Variants in IL1RAPL1 observed in about 807,000 individuals in gnomAD.
The protein encoded by IL1RAPL1 is interleukin-1 receptor accessory protein-like 1.
IL1RAPL1 carries 3 observed loss-of-function variants against 48.4 expected under a neutral mutation model. That is an observed-to-expected ratio of 0.06 (90% CI 0.03 to 0.16). The LOEUF (loss-of-function observed/expected upper bound fraction) is 0.16, where lower values mean the gene tolerates loss of function less well. Ranked by LOEUF, IL1RAPL1 falls within the 10% of genes least tolerant of loss-of-function variation. The pLI is 1.00. For missense variants in IL1RAPL1, 349 were observed against 530.6 expected (o/e 0.66, Z 3.36); for synonymous variants, 185 against 187.7 (o/e 0.99, Z 0.12).
At chrX:29,886,254 G>C (rs953758786) in intron 6 of IL1RAPL1, among the ~76,000 whole-genome samples, 2 of 112,337 alleles carry the variant, frequency 1.8e-5, no homozygotes, top group African/African-American at 6.5e-5. Context: ...CAAATCTTTG[G>C]ATGTTGTTAT....
chrX:29,331,970 C>T (rs1195546942), intron 3 of IL1RAPL1, among the ~76,000 whole-genome samples: 1 of 110,147 alleles, frequency 9.1e-6, no homozygotes, highest in African/African-American at 3.3e-5. Context: ...ACATAATACT[C>T]AACTTGTGGT....
intron 3 of IL1RAPL1, among the ~76,000 whole-genome samples, chrX:29,321,161 T>A (rs1391714494): frequency 8.9e-6 from 1 of 112,192 alleles, no homozygotes; most frequent in Non-Finnish European, 1.9e-5. Context: ...GACTAAGTGA[T>A]GAAAGACCAA....
At chrX:29,424,675 C>A (rs772893350) in intron 5 of IL1RAPL1, among the ~76,000 whole-genome samples, 4 of 111,363 alleles carry the variant, frequency 3.6e-5, no homozygotes, top group Admixed American at 9.6e-5. Context: ...TAAGCCATTT[C>A]CCAAAACACA....
intron 1 of IL1RAPL1, among the ~76,000 whole-genome samples, chrX:28,757,191 C>A (rs184561010): frequency 8.9e-6 from 1 of 112,453 alleles, no homozygotes; most frequent in African/African-American, 3.2e-5. Flanking sequence ...TTCTACTTCT[C>A]TACTAGCTTT....
intron 6 of IL1RAPL1, among the ~76,000 whole-genome samples, chrX:29,826,187 A>C (rs1930735080): frequency 9.0e-6 from 1 of 111,494 alleles, no homozygotes; most frequent in African/African-American, 3.3e-5. Flanking sequence ...CACAGTTCAA[A>C]TCTCCAAACC....
intron 2 of IL1RAPL1, among the ~76,000 whole-genome samples, chrX:29,139,468 T>C (rs994100982): frequency 3.6e-5 from 4 of 111,849 alleles, no homozygotes; most frequent in Non-Finnish European, 5.6e-5. Flanking sequence ...ATTTTATCTT[T>C]AGCCTACCTT....
intron 1 of IL1RAPL1, among the ~76,000 whole-genome samples, chrX:28,592,272 T>C (rs1280045192): frequency 2.7e-5 from 3 of 111,995 alleles, no homozygotes; most frequent in Admixed American, 1.9e-4. Context: ...TGCTTCTGAG[T>C]ACTTAGGAGT....
chrX:29,808,686 C>G (rs750021736), intron 6 of IL1RAPL1, among the ~76,000 whole-genome samples: 1 of 111,347 alleles, frequency 9.0e-6, no homozygotes, highest in South Asian at 3.7e-4. Context: ...CATATTCTGT[C>G]AAATATTAAT....
chrX:28,738,785 G>C (rs1457942443), intron 1 of IL1RAPL1, among the ~76,000 whole-genome samples: 1 of 111,524 alleles, frequency 9.0e-6, no homozygotes, highest in East Asian at 2.8e-4. Flanking sequence ...ACAAAAATCT[G>C]CTTGATGGCA....
intron 2 of IL1RAPL1, among the ~76,000 whole-genome samples, chrX:28,974,714 C>T (rs758020180): frequency 2.1e-4 from 24 of 111,959 alleles, no homozygotes; most frequent in African/African-American, 3.6e-4. Flanking sequence ...TCTTGATCTA[C>T]GCCATTTGGC....
intron 2 of IL1RAPL1, among the ~76,000 whole-genome samples, chrX:29,128,086 C>A (rs777787352): frequency 1.8e-5 from 2 of 110,793 alleles, no homozygotes; most frequent in South Asian, 7.7e-4. Context: ...CTTAAAGGAT[C>A]CCCCCACAAA....
chrX:29,227,345 T>A (rs1931102887), intron 2 of IL1RAPL1, among the ~76,000 whole-genome samples: 1 of 111,308 alleles, frequency 9.0e-6, no homozygotes, highest in Admixed American at 9.5e-5. Flanking sequence ...TTGTTGAATG[T>A]TATTGTTTTT....
chrX:28,701,726 T>TA (rs986393993), intron 1 of IL1RAPL1, among the ~76,000 whole-genome samples: 1 of 111,531 alleles, frequency 9.0e-6, no homozygotes, highest in Non-Finnish European at 1.9e-5. Flanking sequence ...ACTTCCTCCT[T>TA]ACGGCTTTAT....
At chrX:29,827,868 C>T (rs375537884) in intron 6 of IL1RAPL1, among the ~76,000 whole-genome samples, 7 of 111,998 alleles carry the variant, frequency 6.3e-5, no homozygotes, top group African/African-American at 1.3e-4. Context: ...ACATAAGACG[C>T]GGATATATAT....
At chrX:29,253,817 C>A (rs759406670) in intron 2 of IL1RAPL1, among the ~76,000 whole-genome samples, 1 of 111,126 alleles carries the variant, frequency 9.0e-6, no homozygotes, top group African/African-American at 3.3e-5. Context: ...GGACCTTTAT[C>A]AGGAACTAAA....
intron 5 of IL1RAPL1, among the ~76,000 whole-genome samples, chrX:29,498,769 T>C (rs1462201520): frequency 8.9e-6 from 1 of 111,887 alleles, no homozygotes; most frequent in East Asian, 2.8e-4. Context: ...TTGTTTTTTG[T>C]ATGTTGTATG....
At chrX:29,773,950 C>T (rs1305485471) in intron 6 of IL1RAPL1, among the ~76,000 whole-genome samples, 1 of 111,970 alleles carries the variant, frequency 8.9e-6, no homozygotes, top group Non-Finnish European at 1.9e-5. Context: ...GCACATGTAA[C>T]TCTATATACA....
chrX:29,561,794 G>A (rs1293332217), intron 5 of IL1RAPL1, among the ~76,000 whole-genome samples: 1 of 110,824 alleles, frequency 9.0e-6, no homozygotes, highest in Non-Finnish European at 1.9e-5. Flanking sequence ...TTGTCTGTGG[G>A]TAGTTGTCAA....
chrX:29,538,846 T>TA (rs1356360588), intron 5 of IL1RAPL1, among the ~76,000 whole-genome samples: 1 of 111,300 alleles, frequency 9.0e-6, no homozygotes, highest in Non-Finnish European at 1.9e-5. Flanking sequence ...TGGCAAGATA[T>TA]AGGTCACTCG....
Sources: gnomAD v4.1 joint callset for allele counts (sites outside exome capture counted in the v4.1 genomes callset) on GRCh38, gnomAD v4.1.1 for gene constraint, MANE v1.5 for transcripts, NCBI Gene and HGNC (gene_info 2026-07-23, HGNC 2026-07-21) for gene names.